Variants in MYO1C observed in about 807,000 individuals in gnomAD.
The protein encoded by MYO1C is myosin IC, also known as unconventional myosin-Ic.
Under a neutral mutation model 150.8 loss-of-function variants are expected in MYO1C, and 104 were observed. The ratio of observed to expected loss-of-function variants is 0.69; its 90% CI spans 0.59 to 0.81. MYO1C has a LOEUF of 0.81. Among genes scored for constraint, MYO1C ranks in the 30% least tolerant of loss-of-function variants. The pLI is 0.00. For missense variants in MYO1C, 1,504 were observed against 1,435.0 expected (o/e 1.05, Z -0.78); for synonymous variants, 663 against 579.9 (o/e 1.14, Z -2.06).
Position 1,484,576 on chromosome 17 carries a change from C to T in MYO1C, c.76-273G>A, listed in dbSNP as rs1378432920. 3 of 576,028 alleles carry T rather than the reference C, an allele frequency of 5.2e-6. No individual in the cohort carries two copies. The East Asian group carries it at 8.8e-5, about 17-fold the overall frequency. 35.7% of individuals were successfully genotyped at this position (576,028 alleles called of 1,614,324 possible). On this transcript the variant is annotated intron_variant, in intron 1 of 31. Coordinates refer to ENST00000648651, the MANE Select transcript of MYO1C (RefSeq NM_001080779.2). ...CACAGAACAGAGACAACATGAACCACTTGGGACTCGGACACAGGGCATGGA... is the reference window on the plus strand; with the variant it reads ...CACAGAACAGAGACAACATGAACCATTTGGGACTCGGACACAGGGCATGGA...
rs1048108786 is a variant in MYO1C at position 1,470,147 on chromosome 17, C to A, written c.2526+28G>T. On this transcript the variant is annotated intron_variant, in intron 24 of 31. Coordinates refer to ENST00000648651, the MANE Select transcript of MYO1C (RefSeq NM_001080779.2). The stretch of plus-strand genomic sequence containing the variant: ...CCTTCTGCTGTGTACTATGATGGTC[C>A]CTAACTTGGCAGGGGGTGCCCACAG... 3.8e-6 allele frequency: 6 copies of A among 1,597,818 alleles called. No individual in the cohort carries two copies. The African/African-American group carries it at 8.0e-5, about 21-fold the overall frequency.
At position 1,467,985 on chromosome 17, in the gene MYO1C, G is replaced by A. The variant is rs1390950808; in HGVS notation, c.2896+3C>T. The A allele has an allele frequency of 6.2e-7, 1 of 1,612,944 alleles. No homozygotes were observed. Among genetic ancestry groups the A allele is most frequent in the African/African-American group, 1.3e-5 (1 of 74,668 alleles). On this transcript the variant is annotated splice_donor_region_variant and intron_variant, in intron 28 of 31. Coordinates refer to ENST00000648651, the MANE Select transcript of MYO1C (RefSeq NM_001080779.2). Reference sequence around the variant, plus strand: ...CCCCCTGCAGCCCTGGACCCTGGCTGACCGGTCAGGTTGGCGTAATCAATC... The same window carrying A: ...CCCCCTGCAGCCCTGGACCCTGGCTAACCGGTCAGGTTGGCGTAATCAATC...
rs780751024 is a variant in MYO1C at position 1,477,877 on chromosome 17, C to T, written c.1482+14G>A. The T allele has an allele frequency of 1.1e-5, 17 of 1,610,462 alleles. No individual in the cohort carries two copies. The highest frequency in any genetic ancestry group is 7.7e-5 in the South Asian group (7 of 91,004). On this transcript the variant is annotated intron_variant, in intron 13 of 31. Coordinates refer to ENST00000648651, the MANE Select transcript of MYO1C (RefSeq NM_001080779.2). ...AGCCTCCAGCACCAGGCCTTGGAGGCGCAGAGGACTCACCAAAATCGAGAT... is the reference window on the plus strand; with the variant it reads ...AGCCTCCAGCACCAGGCCTTGGAGGTGCAGAGGACTCACCAAAATCGAGAT...
At position 1,471,293 on chromosome 17, in the gene MYO1C, G is replaced by A. The variant is rs761399446; in HGVS notation, c.2065C>T (p.Arg689Trp). Residue 689 changes from arginine to tryptophan, a missense_variant, in exon 20 of 32, where the codon CGG becomes TGG. Coordinates refer to ENST00000648651, the MANE Select transcript of MYO1C (RefSeq NM_001080779.2). ...CPETWPTWAG[R>W]PQDGVAVLVR... Reference sequence around the variant, plus strand: ...AGCACAGCCACCCCATCCTGCGGCCGTCCTGCCCACGTGGGCCACGTCTCT... The same window carrying A: ...AGCACAGCCACCCCATCCTGCGGCCATCCTGCCCACGTGGGCCACGTCTCT... 1.9e-5 allele frequency: 30 copies of A among 1,613,856 alleles called. No homozygotes were observed. Among genetic ancestry groups the A allele is most frequent in the Non-Finnish European group, 2.4e-5 (28 of 1,180,024 alleles).
chr17:1,469,481 C>A, intron 25 of MYO1C, 50 bp downstream of exon 25: 1 of 1,390,588 alleles, frequency 7.2e-7, no homozygotes. Context: ...GCAATGCTTG[C>A]GACTCCCTGA....
At chr17:1,472,820 G>A (rs1446347097) in intron 17 of MYO1C, among the ~76,000 whole-genome samples, 1 of 152,154 alleles carries the variant, frequency 6.6e-6, no homozygotes, top group African/African-American at 2.4e-5. Flanking sequence ...GGCGGGTGAA[G>A]TGGCTACAGG....
rs148984607 is a variant in MYO1C, at chr17:1,480,443, C to T, written c.906+84G>A. 4,173 of 1,204,428 alleles carry T rather than the reference C, an allele frequency of 3.5e-3. 37 individuals carry two copies. The highest frequency in any genetic ancestry group is 0.032 in the African/African-American group (2,104 of 65,910). The allele number at this position is 1,204,428 out of a possible 1,614,324, so 74.6% of individuals were successfully genotyped here. On this transcript the variant is annotated intron_variant, in intron 7 of 31. Coordinates refer to ENST00000648651, the MANE Select transcript of MYO1C (RefSeq NM_001080779.2). ...AGCCTGGGCAACAAGAATGAAACTC[C>T]GTCTCAAAAAATAAAAAACAAAAAA... is the stretch of plus-strand genomic sequence containing the variant.
intron 4 of MYO1C, 46 bp from the exon 5 acceptor site, chr17:1,482,604 G>GGC: frequency 1.3e-6 from 2 of 1,494,638 alleles, no homozygotes; most frequent in South Asian, 1.1e-5. Context: ...CTCTCCCCCT[G>GGC]CCCTCCCCAC....
chr17:1,483,977 G>T (rs2074595075), intron 2 of MYO1C, among the ~76,000 whole-genome samples, 171 bp downstream of exon 2: 1 of 151,904 alleles, frequency 6.6e-6, no homozygotes, highest in Non-Finnish European at 1.5e-5. Context: ...GGGGGGAGGA[G>T]GTTACAGTGA....
At position 1,479,311 on chromosome 17, in the gene MYO1C, G is replaced by T; in HGVS notation, c.1092+120C>A. 1 of 723,074 alleles carries T rather than the reference G, an allele frequency of 1.4e-6. No individual in the cohort carries two copies. Among genetic ancestry groups the T allele is most frequent in the Non-Finnish European group, 2.4e-6 (1 of 412,228 alleles). 44.8% of individuals were successfully genotyped at this position (723,074 alleles called of 1,614,324 possible). On this transcript the variant is annotated intron_variant, in intron 9 of 31. Coordinates refer to ENST00000648651, the MANE Select transcript of MYO1C (RefSeq NM_001080779.2). This position sits in a 1 kb window ranked among gnomAD's most constrained non-coding sequence, Gnocchi z 4.2. ...CTCGGCTCTCACTCTGCTTCTCTGA[G>T]CAGCCTTCCTTCCATCCCTCCAGCA... is the stretch of plus-strand genomic sequence containing the variant.
At chr17:1,486,942 T>G (rs1044844107) in intron 1 of MYO1C, 1 of 152,382 alleles carries the variant, frequency 6.6e-6, no homozygotes, top group Non-Finnish European at 1.5e-5. Context: ...CTCCCTCGCC[T>G]GGGGCGAACC....
At chr17:1,468,589 C>T (rs1189792142) in intron 25 of MYO1C, 93 bp from the exon 26 acceptor site, 1 of 1,001,060 alleles carries the variant, frequency 1.0e-6, no homozygotes, top group African/African-American at 1.6e-5. Context: ...CAGCCTCCCT[C>T]ACCCGCTTGC....
chr17:1,467,166 G>A (rs1276320996), intron 31 of MYO1C, 76 bp downstream of exon 31: 25 of 1,393,878 alleles, frequency 1.8e-5, no homozygotes, highest in East Asian at 4.9e-5. Flanking sequence ...TGAGGTGCCT[G>A]GGCTCTGCCA....
rs571270891 is a variant in MYO1C, at chr17:1,484,176, C to T, written c.203G>A (p.Arg68Gln). Residue 68 changes from arginine to glutamine, a missense_variant, in exon 2 of 32, where the codon CGG (arginine) becomes CAG (glutamine). Transcript: ENST00000648651. Reference sequence around the variant, plus strand: ...GATGAGATTCTCCCGAAATCGCCGCCGCAGGTTCTCGATGAAGGCGGCCTC... The same window carrying T: ...GATGAGATTCTCCCGAAATCGCCGCTGCAGGTTCTCGATGAAGGCGGCCTC... Reference protein sequence around the residue: ...TSEAAFIENLRRRFRENLIYT... With the variant: ...TSEAAFIENLQRRFRENLIYT... 161 of 1,613,106 alleles carry T rather than the reference C, an allele frequency of 1.0e-4. No individual in the cohort carries two copies. Among genetic ancestry groups the T allele is most frequent in the Middle Eastern group, 6.6e-4 (4 of 6,062 alleles).
At chr17:1,467,794 T>G (rs8069059) in intron 29 of MYO1C, 46 bp downstream of exon 29, 1 of 619,222 alleles carries the variant, frequency 1.6e-6, no homozygotes. Flanking sequence ...CCTCCCCATC[T>G]ACCTCCCCCA....
At chr17:1,473,790 A>G (rs2074349456) in intron 17 of MYO1C, among the ~76,000 whole-genome samples, 1 of 152,012 alleles carries the variant, frequency 6.6e-6, no homozygotes, top group South Asian at 2.1e-4. Flanking sequence ...CTATAGGTTC[A>G]TCTGACATTC....
At chr17:1,485,819 C>CCCGCACCGCCCA in intron 1 of MYO1C, 1 of 640,520 alleles carries the variant, frequency 1.6e-6, no homozygotes, top group Non-Finnish European at 2.0e-6. Flanking sequence ...CGCACCGCCC[C>CCCGCACCGCCCA]CACCCGGGCC....
chr17:1,469,752 C>T (rs1329805572), intron 24 of MYO1C, 138 bp from the exon 25 acceptor site: 4 of 793,070 alleles, frequency 5.0e-6, no homozygotes, highest in African/African-American at 1.7e-5. Flanking sequence ...AGACCTTACT[C>T]GGCAGGGCGC....
intron 5 of MYO1C, 88 bp downstream of exon 5, chr17:1,482,390 C>T (rs1382205561): frequency 4.2e-6 from 5 of 1,201,920 alleles, no homozygotes; most frequent in Admixed American, 1.7e-5. Flanking sequence ...AATTGCAGCA[C>T]CTGGAATAGT....
Sources: allele counts gnomAD v4.1 joint callset (sites outside exome capture counted in the v4.1 genomes callset), GRCh38; gene constraint gnomAD v4.1.1; non-coding constraint Gnocchi (gnomAD v3.1); transcripts MANE v1.5; gene names NCBI Gene and HGNC (gene_info 2026-07-23, HGNC 2026-07-21).